The following VASH2 variants were observed in gnomAD, a reference collection of about 807,000 sequenced individuals.
VASH2 encodes the protein vasohibin 2, also known as tubulinyl-Tyr carboxypeptidase 2.
Under a neutral mutation model 37.2 loss-of-function variants are expected in VASH2, and 28 were observed. The observed-to-expected ratio is 0.75, with a 90% CI of 0.56 to 1.03. The LOEUF is 1.03. Among genes scored for constraint, VASH2 ranks in the 50% least tolerant of loss-of-function variants. The pLI is 0.00. For synonymous variants in VASH2, 188 were observed against 174.7 expected (o/e 1.08, Z -0.60); for missense variants, 419 against 459.1 (o/e 0.91, Z 0.80).
chr1:212,987,229 C>A (rs1025221941), intron 7 of VASH2, among the ~76,000 whole-genome samples: 5 of 151,808 alleles, frequency 3.3e-5, no homozygotes, highest in Non-Finnish European at 7.4e-5. Flanking sequence ...AAATAAGAAA[C>A]CTTCTAACAA....
At chr1:212,958,993 C>T (rs930358309) in intron 2 of VASH2, among the ~76,000 whole-genome samples, 7 of 152,016 alleles carry the variant, frequency 4.6e-5, no homozygotes, top group Admixed American at 1.3e-4. Flanking sequence ...CCTCCCAAAG[C>T]GCTGGGATTA....
At chr1:212,963,901 C>T (rs760227920) in intron 3 of VASH2, among the ~76,000 whole-genome samples, 9 of 151,966 alleles carry the variant, frequency 5.9e-5, no homozygotes, top group Non-Finnish European at 1.2e-4. Context: ...CCAGGAACCT[C>T]GTTGCTTGTA....
intron 2 of VASH2, among the ~76,000 whole-genome samples, chr1:212,958,196 G>A (rs1666554795): frequency 6.6e-6 from 1 of 152,196 alleles, no homozygotes. Context: ...CGAGGCGCTG[G>A]TTGGAAGTGG....
At chr1:212,985,251 G>A (rs1261579915) in intron 7 of VASH2, among the ~76,000 whole-genome samples, 1 of 136,674 alleles carries the variant, frequency 7.3e-6, no homozygotes, top group Non-Finnish European at 1.5e-5. Flanking sequence ...GTGGTGCCCA[G>A]GCTGGTCTGA....
chr1:212,964,081 C>A (rs565457215), intron 3 of VASH2, among the ~76,000 whole-genome samples: 1 of 152,142 alleles, frequency 6.6e-6, no homozygotes, highest in Non-Finnish European at 1.5e-5. Context: ...AACTGGTGAT[C>A]TTGGGAGGCC....
Position 212,961,220 on chromosome 1 carries a change from C to T in VASH2, c.331C>T (p.Leu111Phe). 4 of 1,614,220 alleles carry T rather than the reference C, an allele frequency of 2.5e-6. No individual in the cohort carries two copies. The highest frequency in any genetic ancestry group is 3.4e-6 in the Non-Finnish European group (4 of 1,180,040). ...GCTGTCGATGACGATCCCAGACTGG[C>T]TCCAGGCGATCCAGAATTACATGAA... is the stretch of plus-strand genomic sequence containing the variant. ...YRLSMTIPDW[L>F]QAIQNYMKTL... Residue 111 changes from leucine to phenylalanine, a missense_variant, in exon 3 of 8, where the codon CTC becomes TTC. Transcript: ENST00000517399.
chr1:212,989,011 G>A lies in VASH2; in HGVS notation c.*427G>A. The stretch of plus-strand genomic sequence containing the variant: ...CAATAACAGAAAGCAAAAATGGGTG[G>A]GTTTTTTTTAAGCAGTTATTACCTC... On this transcript the variant is annotated 3_prime_UTR_variant, in exon 8 of 8. Transcript: ENST00000517399. 1 of 162,200 alleles carries A rather than the reference G, an allele frequency of 6.2e-6. No homozygotes were observed. The highest frequency in any genetic ancestry group is 1.7e-4 in the South Asian group (1 of 5,818). 10.0% of individuals were successfully genotyped at this position (162,200 alleles called of 1,614,324 possible).
intron 2 of VASH2, among the ~76,000 whole-genome samples, chr1:212,960,447 T>G (rs1000065266): frequency 6.6e-6 from 1 of 151,814 alleles, no homozygotes; most frequent in Non-Finnish European, 1.5e-5. Flanking sequence ...CATCTGGGGG[T>G]GGGACTCAGG....
At position 212,986,321 on chromosome 1, in the gene VASH2, A is replaced by G. The variant is rs1667477305; in HGVS notation, c.996-2191A>G. 3.3e-5 allele frequency among the ~76,000 whole-genome samples: 5 copies of G among 152,146 alleles called. No individual in the cohort carries two copies. In the South Asian group the frequency reaches 8.3e-4, roughly 25 times the overall value. ...TGTGGAGCAGTGATTTACTTTTCTA[A>G]CCACATTTGCATCAGGCTGATGCTA... On this transcript the variant is annotated intron_variant, in intron 7 of 7. Coordinates refer to ENST00000517399, the MANE Select transcript of VASH2 (RefSeq NM_001301056.2).
intron 7 of VASH2, among the ~76,000 whole-genome samples, chr1:212,976,568 T>TTA (rs1667177901): frequency 6.8e-6 from 1 of 147,814 alleles, no homozygotes; most frequent in African/African-American, 2.5e-5. Flanking sequence ...TGAGGCCCTG[T>TTA]AAAAAAAAAA....
chr1:212,955,657 G>T (rs1258952338), intron 2 of VASH2, among the ~76,000 whole-genome samples: 1 of 152,146 alleles, frequency 6.6e-6, no homozygotes, highest in African/African-American at 2.4e-5. Flanking sequence ...AACAGCAGTC[G>T]GTTTCTTGCA....
intron 2 of VASH2, among the ~76,000 whole-genome samples, chr1:212,959,324 C>T (rs554089122): frequency 5.9e-5 from 9 of 152,184 alleles, no homozygotes; most frequent in Non-Finnish European, 1.0e-4. Flanking sequence ...CAATGCCTTG[C>T]CCCCTGAAAT....
chr1:212,977,145 G>A (rs552221222), intron 7 of VASH2, among the ~76,000 whole-genome samples: 59 of 151,586 alleles, frequency 3.9e-4, no homozygotes, highest in African/African-American at 1.3e-3. Flanking sequence ...ACCAGCCTGC[G>A]AAAGGGAGTG....
At chr1:212,954,689 A>G (rs1666428953) in intron 2 of VASH2, among the ~76,000 whole-genome samples, 1 of 152,172 alleles carries the variant, frequency 6.6e-6, no homozygotes, top group Non-Finnish European at 1.5e-5. Context: ...AAGTACCGGG[A>G]TTACAAGTGT....
intron 3 of VASH2, among the ~76,000 whole-genome samples, chr1:212,963,766 CT>C (rs957716231): frequency 6.3e-4 from 93 of 147,790 alleles, no homozygotes; most frequent in African/African-American, 1.3e-3. Flanking sequence ...TTCAGGTACA[CT>C]TTTTTTTTTT....
intron 2 of VASH2, among the ~76,000 whole-genome samples, chr1:212,955,856 G>A (rs1666473437): frequency 6.6e-6 from 1 of 152,184 alleles, no homozygotes; most frequent in East Asian, 1.9e-4. Flanking sequence ...ATCCTGGATT[G>A]AGAACCTTCC....
Position 212,979,329 on chromosome 1 carries a change from C to T in VASH2, c.995+5259C>T, listed in dbSNP as rs925276505. 5.3e-5 allele frequency among the ~76,000 whole-genome samples: 8 copies of T among 152,350 alleles called. No individual in the cohort carries two copies. The East Asian group carries it at 1.5e-3, about 29-fold the overall frequency. On this transcript the variant is annotated intron_variant, in intron 7 of 7. Transcript: ENST00000517399. The stretch of plus-strand genomic sequence containing the variant: ...CACTCCACAAACTCCGGGAATCTTA[C>T]TGTAAGATGGCCAGGACTAGGGTTT...
chr1:212,979,286 A>G (rs546488999), intron 7 of VASH2, among the ~76,000 whole-genome samples: 1 of 152,302 alleles, frequency 6.6e-6, no homozygotes, highest in African/African-American at 2.4e-5. Context: ...AAAGTGACAA[A>G]TATGGTCTTG....
intron 7 of VASH2, 44 bp downstream of exon 7, chr1:212,974,114 C>T: frequency 1.3e-6 from 2 of 1,566,010 alleles, no homozygotes. Flanking sequence ...CCAACACACA[C>T]ATTCAAGGGG....
Sources: allele counts gnomAD v4.1 joint callset (sites outside exome capture counted in the v4.1 genomes callset), GRCh38; gene constraint gnomAD v4.1.1; transcripts MANE v1.5; gene names NCBI Gene and HGNC (gene_info 2026-07-23, HGNC 2026-07-21).